The following DSCAM variants were observed in gnomAD, a reference collection of about 807,000 sequenced individuals.
The protein encoded by DSCAM is DS cell adhesion molecule.
In DSCAM, 47 loss-of-function variants were observed where a neutral mutation model predicts 217.7. The ratio of observed to expected loss-of-function variants is 0.22; its 90% CI spans 0.17 to 0.28. The LOEUF is 0.28. Ranked by LOEUF, DSCAM falls within the 10% of genes least tolerant of loss-of-function variation. DSCAM has a pLI of 1.00. For synonymous variants in DSCAM, 1,056 were observed against 1,015.3 expected (o/e 1.04, Z -0.76); for missense variants, 2,080 against 2,618.3 (o/e 0.79, Z 4.49).
chr21:40,056,020 A>G (rs1030078292), intron 28 of DSCAM, among the ~76,000 whole-genome samples, 180 bp from the exon 29 acceptor site: 1 of 152,240 alleles, frequency 6.6e-6, no homozygotes, highest in Non-Finnish European at 1.5e-5. Flanking sequence ...TTATTTATTA[A>G]TATTAAATTT....
intron 18 of DSCAM, among the ~76,000 whole-genome samples, chr21:40,138,435 C>A (rs182702928): frequency 9.4e-6 from 1 of 106,036 alleles, no homozygotes; most frequent in Non-Finnish European, 2.0e-5. Flanking sequence ...GTGGGGTGTG[C>A]GTGGTGTGGT....
intron 3 of DSCAM, chr21:40,384,765 A>G (rs968007743): frequency 1.3e-5 from 2 of 152,176 alleles, no homozygotes; most frequent in African/African-American, 4.8e-5. Flanking sequence ...CCTCTAGGGA[A>G]GTTCTGGTCT....
chr21:40,341,106 T>C (rs1217116307), intron 6 of DSCAM, among the ~76,000 whole-genome samples: 1 of 152,246 alleles, frequency 6.6e-6, no homozygotes, highest in Non-Finnish European at 1.5e-5. Flanking sequence ...TGCAGTGTCC[T>C]TGGGTTGTAA....
chr21:40,433,126 A>G (rs949211786), intron 3 of DSCAM, among the ~76,000 whole-genome samples: 9 of 152,124 alleles, frequency 5.9e-5, no homozygotes, highest in African/African-American at 2.2e-4. Flanking sequence ...TGAGAGGCTG[A>G]GGTGGGTGAA....
chr21:40,700,106 T>C (rs778930180), intron 2 of DSCAM, among the ~76,000 whole-genome samples: 1 of 152,228 alleles, frequency 6.6e-6, no homozygotes, highest in Non-Finnish European at 1.5e-5. Flanking sequence ...TCTAAAATTA[T>C]TTCTTAGAAT....
chr21:40,582,094 T>C (rs1601763739), intron 3 of DSCAM, among the ~76,000 whole-genome samples: 1 of 152,178 alleles, frequency 6.6e-6, no homozygotes, highest in Non-Finnish European at 1.5e-5. Flanking sequence ...TAAAGCCCAG[T>C]ATTTAACGGT....
intron 3 of DSCAM, among the ~76,000 whole-genome samples, chr21:40,644,803 C>T (rs1422110554): frequency 2.6e-5 from 4 of 151,952 alleles, no homozygotes; most frequent in Admixed American, 2.0e-4. Context: ...TTGTTTAGTT[C>T]TTTGCTCAAT....
At chr21:40,314,681 A>G (rs1020169394) in intron 8 of DSCAM, among the ~76,000 whole-genome samples, 19 of 152,342 alleles carry the variant, frequency 1.2e-4, no homozygotes, top group African/African-American at 3.6e-4. Flanking sequence ...TCCTGGACAC[A>G]AAAACCTGGT....
At chr21:40,194,588 T>G (rs1274406302) in intron 11 of DSCAM, among the ~76,000 whole-genome samples, 1 of 152,236 alleles carries the variant, frequency 6.6e-6, no homozygotes, top group Non-Finnish European at 1.5e-5. Context: ...AAATTACCCA[T>G]TGAGGAAGGT....
intron 1 of DSCAM, among the ~76,000 whole-genome samples, chr21:40,756,494 T>A (rs984734692): frequency 6.6e-6 from 1 of 152,098 alleles, no homozygotes; most frequent in East Asian, 1.9e-4. Flanking sequence ...CAGGTTCAAG[T>A]GATTGTCCTG....
intron 6 of DSCAM, among the ~76,000 whole-genome samples, chr21:40,341,295 A>G (rs1054092834): frequency 1.3e-5 from 2 of 152,320 alleles, no homozygotes. Flanking sequence ...AGTCATTAAT[A>G]CTTAGGAGTA....
intron 3 of DSCAM, among the ~76,000 whole-genome samples, chr21:40,376,217 C>T (rs1200272913): frequency 6.6e-6 from 1 of 151,982 alleles, no homozygotes; most frequent in African/African-American, 2.4e-5. Context: ...CTGCGCCTGC[C>T]GTCGCCAATT....
rs775828668 is a variant in DSCAM, at chr21:40,042,526, G to A, written c.5531C>T (p.Ser1844Leu). 7.1e-5 allele frequency: 115 copies of A among 1,614,080 alleles called. No homozygotes were observed. The highest frequency in any genetic ancestry group is 9.4e-5 in the Non-Finnish European group (111 of 1,180,042). ...ATTTGTCCCTGCCGTCAACTGCTCC[G>A]ATGACGTGTCTGATATGAAGCACTC... Reference protein sequence around the residue: ...ITECFISDTSSEQLTAGTNEY... With the variant: ...ITECFISDTSLEQLTAGTNEY... Residue 1844 changes from serine (S) to leucine (L), a missense_variant, in exon 32 of 33, where the codon TCG (serine) becomes TTG (leucine). By Grantham distance (145) the Ser-to-Leu change is moderately radical. Coordinates refer to ENST00000400454, the MANE Select transcript of DSCAM (RefSeq NM_001389.5).
chr21:40,732,937 G>C (rs2091027497), intron 1 of DSCAM, among the ~76,000 whole-genome samples: 1 of 152,232 alleles, frequency 6.6e-6, no homozygotes, highest in African/African-American at 2.4e-5. Flanking sequence ...TGGCAGGTCA[G>C]ACGATGCATA....
At chr21:40,561,890 T>C (rs971747431) in intron 3 of DSCAM, among the ~76,000 whole-genome samples, 1 of 152,218 alleles carries the variant, frequency 6.6e-6, no homozygotes, top group Non-Finnish European at 1.5e-5. Context: ...TACACTCCAA[T>C]TTTTAAAATA....
chr21:40,703,892 GA>G (rs1227715131), intron 2 of DSCAM, among the ~76,000 whole-genome samples: 1 of 151,390 alleles, frequency 6.6e-6, no homozygotes, highest in Non-Finnish European at 1.5e-5. Flanking sequence ...AATAAAGCTT[GA>G]TTTTTTTTTA....
At chr21:40,483,558 C>A (rs2076000438) in intron 3 of DSCAM, among the ~76,000 whole-genome samples, 1 of 152,126 alleles carries the variant, frequency 6.6e-6, no homozygotes, top group South Asian at 2.1e-4. Context: ...CCTGATTACA[C>A]AATGATAATT....
rs533466106 is a variant in DSCAM at position 40,663,674 on chromosome 21, G to C, written c.508+29136C>G. On this transcript the variant is annotated intron_variant, in intron 3 of 32. Transcript: ENST00000400454. The stretch of plus-strand genomic sequence containing the variant: ...AAGACTCTTTCCCCCTGGCTACTGA[G>C]CTACTGTCACTGGGGTTGTGTGCAA... Among the ~76,000 whole-genome samples the C allele has an allele frequency of 2.6e-5, 4 of 152,300 alleles. No individual in the cohort carries two copies. The East Asian group carries it at 7.7e-4, about 29-fold the overall frequency.
At chr21:40,486,240 C>G (rs528512233) in intron 3 of DSCAM, among the ~76,000 whole-genome samples, 16 of 152,118 alleles carry the variant, frequency 1.1e-4, no homozygotes, top group Non-Finnish European at 1.0e-4. Context: ...GATAATCACC[C>G]GGCATGGTTT....
Sources: allele counts gnomAD v4.1 joint callset (sites outside exome capture counted in the v4.1 genomes callset), GRCh38; gene constraint gnomAD v4.1.1; transcripts MANE v1.5; gene names NCBI Gene and HGNC (gene_info 2026-07-23, HGNC 2026-07-21).